The following AKNA variants were observed in gnomAD, a reference collection of about 807,000 sequenced individuals.
The protein encoded by AKNA is microtubule organization protein AKNA.
Under a neutral mutation model 138.8 loss-of-function variants are expected in AKNA, and 67 were observed. The ratio of observed to expected loss-of-function variants is 0.48; its 90% confidence interval spans 0.40 to 0.59. The LOEUF (loss-of-function observed/expected upper bound fraction) is 0.59. Among genes scored for constraint, AKNA ranks in the 20% least tolerant of loss-of-function variants. The probability of loss-of-function intolerance (pLI) is 0.00; values close to 1 mark genes in which losing one functional copy is unlikely to be tolerated. For synonymous variants in AKNA, 737 were observed against 754.4 expected, an observed-to-expected ratio of 0.98 and a Z score of 0.38; for missense variants, 1,813 against 1,880.4, an observed-to-expected ratio of 0.96 and a Z score of 0.66.
At chr9:114,379,750 A>G (rs1347562286) in intron 2 of AKNA, among the ~76,000 whole-genome samples, 1 of 152,234 alleles carries the variant, frequency 6.6e-6, no homozygotes, top group Non-Finnish European at 1.5e-5. Flanking sequence ...GGAACTTGCT[A>G]AGCAAAGCTA....
upstream of AKNA, among the ~76,000 whole-genome samples, chr9:114,391,457 G>A (rs540878762): frequency 2.6e-5 from 4 of 152,306 alleles, no homozygotes; most frequent in Admixed American, 1.3e-4. Flanking sequence ...GGGAGAACAC[G>A]AGTATTATTC....
chr9:114,357,488 G>A (rs574150686), intron 12 of AKNA, among the ~76,000 whole-genome samples: 1 of 152,098 alleles, frequency 6.6e-6, no homozygotes, highest in South Asian at 2.1e-4. Flanking sequence ...AGAGAATCCT[G>A]ACCATGGGCT....
At chr9:114,391,997 C>A (rs1291672811), upstream of AKNA, among the ~76,000 whole-genome samples, 2 of 147,184 alleles carry the variant, frequency 1.4e-5, no homozygotes, top group Non-Finnish European at 3.0e-5. Context: ...CCAGCCCTTC[C>A]CACGAGCCTG....
At chr9:114,377,801 A>G (rs1833353580) in intron 2 of AKNA, among the ~76,000 whole-genome samples, 1 of 152,080 alleles carries the variant, frequency 6.6e-6, no homozygotes, top group African/African-American at 2.4e-5. Context: ...CATCCCCTCT[A>G]TGCATACAGG....
chr9:114,355,559 C>T (rs1831436633), intron 14 of AKNA, among the ~76,000 whole-genome samples: 1 of 152,228 alleles, frequency 6.6e-6, no homozygotes, highest in African/African-American at 2.4e-5. Context: ...AAGTGTTGCT[C>T]TGCAATGACT....
At chr9:114,351,135 C>A in intron 14 of AKNA, 114 bp from the exon 15 acceptor site, 1 of 1,129,112 alleles carries the variant, frequency 8.9e-7, no homozygotes, top group South Asian at 1.5e-5. Flanking sequence ...AGTTCAAGGT[C>A]ACAAAGGAAG....
chr9:114,391,251 T>C (rs1834327277), upstream of AKNA, among the ~76,000 whole-genome samples: 1 of 152,198 alleles, frequency 6.6e-6, no homozygotes, highest in Non-Finnish European at 1.5e-5. Context: ...GCTCACAACA[T>C]TGCAGCCCGC....
At chr9:114,337,453 T>C in intron 21 of AKNA, 147 bp from the exon 22 acceptor site, 2 of 736,722 alleles carry the variant, frequency 2.7e-6, no homozygotes, top group Non-Finnish European at 3.8e-6. Context: ...ACCTCTAAAA[T>C]GGGAATAATG....
intron 19 of AKNA, 59 bp downstream of exon 19, chr9:114,343,649 G>A (rs1244248068): frequency 2.6e-6 from 4 of 1,549,844 alleles, no homozygotes; most frequent in Non-Finnish European, 3.6e-6. Flanking sequence ...ACACTCCCCT[G>A]AGGGCAAGAA....
At chr9:114,362,063 G>A in intron 8 of AKNA, 152 bp from the exon 9 acceptor site, 4 of 873,066 alleles carry the variant, frequency 4.6e-6, no homozygotes, top group Non-Finnish European at 6.8e-6. Flanking sequence ...CTCAAAATAA[G>A]CAAGATGAAA....
chr9:114,350,748 C>T (rs559591003), intron 15 of AKNA, 111 bp downstream of exon 15: 5 of 1,288,432 alleles, frequency 3.9e-6, no homozygotes, highest in African/African-American at 1.5e-5. Flanking sequence ...GCTCCTACCA[C>T]CACCATCTGT....
intron 2 of AKNA, among the ~76,000 whole-genome samples, chr9:114,378,702 C>T (rs573669781): frequency 1.7e-3 from 265 of 152,160 alleles, no homozygotes; most frequent in African/African-American, 5.9e-3. Context: ...CCATCTATCC[C>T]GCCATCCTTC....
chr9:114,349,375 T>C (rs949162513), intron 15 of AKNA, among the ~76,000 whole-genome samples: 2 of 152,202 alleles, frequency 1.3e-5, no homozygotes, highest in Non-Finnish European at 2.9e-5. Flanking sequence ...TGAGTCACTC[T>C]AGATCCCCTC....
At chr9:114,375,216 G>A (rs578250997) in intron 3 of AKNA, among the ~76,000 whole-genome samples, 14 of 152,190 alleles carry the variant, frequency 9.2e-5, no homozygotes, top group Non-Finnish European at 1.3e-4. Context: ...ACAATGGGAC[G>A]CATGAAAAGA....
chr9:114,382,025 A>G (rs182190296), intron 1 of AKNA, among the ~76,000 whole-genome samples: 4,983 of 152,236 alleles, frequency 0.033, 276 homozygotes, highest in African/African-American at 0.11. Flanking sequence ...ACAGGTGTTG[A>G]ATGCATGCTA....
At chr9:114,351,787 C>T (rs542765153) in intron 14 of AKNA, among the ~76,000 whole-genome samples, 4 of 152,044 alleles carry the variant, frequency 2.6e-5, no homozygotes, top group Non-Finnish European at 5.9e-5. Context: ...GCCATAATGG[C>T]GACACTGCAC....
chr9:114,358,296 G>A (rs1456083185), intron 11 of AKNA, 129 bp from the exon 12 acceptor site: 1 of 1,316,934 alleles, frequency 7.6e-7, no homozygotes, highest in East Asian at 2.5e-5. Context: ...TGCCCAGCCT[G>A]GTTCTGCCAC....
At chr9:114,380,999 AAAG>A in intron 2 of AKNA, 58 bp downstream of exon 2, 2 of 1,392,510 alleles carry the variant, frequency 1.4e-6, no homozygotes, top group Non-Finnish European at 9.3e-7. Flanking sequence ...AAAAAAAAAA[AAAG>A]AACGTGTGAT....
chr9:114,364,760 T>C (rs1832222005), intron 6 of AKNA, 141 bp from the exon 7 acceptor site: 1 of 799,840 alleles, frequency 1.3e-6, no homozygotes. Flanking sequence ...GAGACGTGGG[T>C]GCTGGGAACA....
Sources: gnomAD v4.1 joint callset for allele counts (sites outside exome capture counted in the v4.1 genomes callset) on GRCh38, gnomAD v4.1.1 for gene constraint, MANE v1.5 for transcripts, NCBI Gene and HGNC (gene_info 2026-07-23, HGNC 2026-07-21) for gene names.